Variants in ANKRD62 observed in about 807,000 individuals in gnomAD.
ANKRD62 encodes the protein ankyrin repeat domain 62.
A neutral mutation model predicts 98.8 loss-of-function variants in ANKRD62; 61 were observed. That is an observed-to-expected ratio of 0.62 (90% CI 0.50 to 0.76). The LOEUF (loss-of-function observed/expected upper bound fraction) is 0.76. Ranked by LOEUF, ANKRD62 falls within the 30% of genes least tolerant of loss-of-function variation. The probability of loss-of-function intolerance (pLI) is 0.00; values close to 1 mark genes in which losing one functional copy is unlikely to be tolerated. For missense variants in ANKRD62, 933 were observed against 1,082.9 expected (o/e 0.86, Z 1.94); for synonymous variants, 341 against 367.9 (o/e 0.93, Z 0.84).
At chr18:12,151,164 A>G in the ANKRD62 span, among the ~76,000 whole-genome samples, 4 of 152,220 alleles carry the variant, frequency 2.6e-5, no homozygotes, top group Admixed American at 1.3e-4. Context: ...CAGATTTCAA[A>G]CCAACAAAGA....
the ANKRD62 span, among the ~76,000 whole-genome samples, chr18:12,135,193 T>G: frequency 1.6e-5 from 1 of 63,618 alleles, no homozygotes; most frequent in Non-Finnish European, 2.8e-5. Flanking sequence ...CCCTCCCCCC[T>G]CCCCCCACCC....
Position 12,124,299 on chromosome 18 carries a change from T to C in ANKRD62, c.1617T>C (p.Thr539=). 8.0e-7 allele frequency: 1 copy of C among 1,242,832 alleles called. No individual in the cohort carries two copies. The allele number at this position is 1,242,832 out of a possible 1,614,324, so 77.0% of individuals were successfully genotyped here. A position where few individuals can be genotyped will look rare whatever the true frequency, so the allele number is the denominator to read the frequency against. The change falls in exon 12 of 14, where the codon ACT becomes ACC. Residue 539 remains threonine, a synonymous_variant. Coordinates refer to ENST00000587848, the MANE Select transcript of ANKRD62 (RefSeq NM_001277333.2). Reference sequence around the variant, plus strand: ...AATCATTGGAAGTGGAATTGAAGACTGTAAGAAGTAACTCAAATCAGGTAA... The same window carrying C: ...AATCATTGGAAGTGGAATTGAAGACCGTAAGAAGTAACTCAAATCAGGTAA... ...TLKSLEVELK[T]VRSNSNQNFH...
the ANKRD62 span, among the ~76,000 whole-genome samples, chr18:12,157,386 C>T: frequency 2.6e-4 from 39 of 152,246 alleles, no homozygotes; most frequent in African/African-American, 9.4e-4. Flanking sequence ...CTATCCTCGC[C>T]CCTGGCCCAT....
chr18:12,126,816 A>G (rs1420762730), intron 13 of ANKRD62, among the ~76,000 whole-genome samples: 1 of 152,222 alleles, frequency 6.6e-6, no homozygotes, highest in African/African-American at 2.4e-5. Context: ...AGATGAACTA[A>G]AGTGTATTTC....
chr18:12,156,952 C>T, the ANKRD62 span, among the ~76,000 whole-genome samples: 1 of 152,178 alleles, frequency 6.6e-6, no homozygotes, highest in Non-Finnish European at 1.5e-5. Flanking sequence ...CTCGCTCTCT[C>T]TCGCTCGCTG....
chr18:12,124,287 G>A lies in ANKRD62; in HGVS notation c.1605G>A (p.Val535=), dbSNP rs1373953097. Residue 535 remains valine (V), a synonymous_variant, in exon 12 of 14, where the codon GTG becomes GTA. Coordinates refer to ENST00000587848, the MANE Select transcript of ANKRD62 (RefSeq NM_001277333.2). ...AACTGACTCTCAAATCATTGGAAGT[G>A]GAATTGAAGACTGTAAGAAGTAACT... is the stretch of plus-strand genomic sequence containing the variant. ...QSKLTLKSLE[V]ELKTVRSNSN... 7.6e-7 allele frequency: 1 copy of A among 1,309,442 alleles called. No individual in the cohort carries two copies. The highest frequency in any genetic ancestry group is 1.4e-5 in the South Asian group (1 of 70,060). The allele number at this position is 1,309,442 out of a possible 1,614,324, so 81.1% of individuals were successfully genotyped here. A position where few individuals can be genotyped will look rare whatever the true frequency, so the allele number is the denominator to read the frequency against.
downstream of ANKRD62, among the ~76,000 whole-genome samples, chr18:12,134,445 T>C (rs1426405420): frequency 2.6e-5 from 4 of 152,184 alleles, no homozygotes; most frequent in Non-Finnish European, 5.9e-5. Flanking sequence ...TACATATGTA[T>C]ACATGCGCCA....
the ANKRD62 span, among the ~76,000 whole-genome samples, chr18:12,168,013 C>A: frequency 6.6e-6 from 1 of 151,742 alleles, no homozygotes; most frequent in Non-Finnish European, 1.5e-5. Context: ...TGTTTGAGTT[C>A]TTTGTAGGTT....
chr18:12,126,257 A>C lies in ANKRD62; in HGVS notation c.2436A>C (p.Glu812Asp), dbSNP rs1403440236. The C allele has an allele frequency of 1.1e-5, 17 of 1,535,970 alleles. No homozygotes were observed. Among genetic ancestry groups the C allele is most frequent in the Non-Finnish European group, 1.5e-5 (17 of 1,146,834 alleles). The part of the protein sequence containing the change: ...KTIINIQVKC[E>D]DTVEKLQAEC... ...TAATTAATATCCAAGTCAAATGTGAAGATACTGTAGAAAAACTTCAAGCTG... is the reference window on the plus strand; with the variant it reads ...TAATTAATATCCAAGTCAAATGTGACGATACTGTAGAAAAACTTCAAGCTG... The change falls in exon 13 of 14, where the codon GAA becomes GAC. Residue 812 changes from glutamate (E) to aspartate (D), a missense_variant. Glu to Asp is a conservative substitution (Grantham distance 45). This residue lies in a region of ANKRD62 where 362 missense variants were observed against 434.5 expected (regional missense o/e 0.83). Transcript: ENST00000587848.
Position 12,126,097 on chromosome 18 carries a change from A to C in ANKRD62, c.2276A>C (p.Gln759Pro). 6.5e-7 allele frequency: 1 copy of C among 1,536,174 alleles called. No individual in the cohort carries two copies. Among genetic ancestry groups the C allele is most frequent in the Non-Finnish European group, 8.7e-7 (1 of 1,146,894 alleles). The change falls in exon 13 of 14, where the codon CAA becomes CCA. Residue 759 changes from glutamine to proline, a missense_variant. By Grantham distance (76) the Gln-to-Pro change is moderately conservative. Around this residue, in one of 3 missense-constraint regions of ANKRD62, gnomAD observed 362 missense variants for 434.5 expected, o/e 0.83. Coordinates refer to ENST00000587848, the MANE Select transcript of ANKRD62 (RefSeq NM_001277333.2). ...EDIEHMYQND[Q>P]PILEKYVRKQ... ...ATTGAACACATGTACCAAAATGACC[A>C]ACCTATTTTGGAAAAATACGTGAGA...
chr18:12,097,639 G>C lies in ANKRD62; in HGVS notation c.615-1G>C. ...GCATGAAATTATCTTTCTTATTTTA[G>C]AACAGCCCTGATACTTGCTGCTCGT... is the stretch of plus-strand genomic sequence containing the variant. On this transcript the variant is annotated splice_acceptor_variant, in intron 4 of 13. Coordinates refer to ENST00000587848, the MANE Select transcript of ANKRD62 (RefSeq NM_001277333.2). LOFTEE classifies it high-confidence loss of function. The C allele has an allele frequency of 6.5e-7, 1 of 1,529,664 alleles. No individual in the cohort carries two copies. The highest frequency in any genetic ancestry group is 8.7e-7 in the Non-Finnish European group (1 of 1,144,270). The allele number at this position is 1,529,664 out of a possible 1,614,324, so 94.8% of individuals were successfully genotyped here. A position where few individuals can be genotyped will look rare whatever the true frequency, so the allele number is the denominator to read the frequency against.
At chr18:12,114,807 G>GT (rs536769656) in intron 8 of ANKRD62, among the ~76,000 whole-genome samples, 22 of 150,680 alleles carry the variant, frequency 1.5e-4, no homozygotes, top group Admixed American at 3.3e-4. Flanking sequence ...CAAATAACAT[G>GT]TTTTTTTTTC....
the ANKRD62 span, among the ~76,000 whole-genome samples, chr18:12,178,193 C>G: frequency 6.6e-6 from 1 of 151,366 alleles, no homozygotes; most frequent in African/African-American, 2.5e-5. Context: ...ACCTGAAAGA[C>G]AAACCCAATT....
chr18:12,130,651 G>C (rs1163585471), downstream of ANKRD62, among the ~76,000 whole-genome samples: 1 of 150,490 alleles, frequency 6.6e-6, no homozygotes. Context: ...ATAGCCTGAA[G>C]ATAATTCTAC....
At chr18:12,170,913 T>C in the ANKRD62 span, among the ~76,000 whole-genome samples, 505 of 152,154 alleles carry the variant, frequency 3.3e-3, 2 homozygotes, top group African/African-American at 0.011. Context: ...TTGATCTTTG[T>C]TGGTTTAAAG....
chr18:12,170,354 A>G, the ANKRD62 span, among the ~76,000 whole-genome samples: 1 of 152,206 alleles, frequency 6.6e-6, no homozygotes, highest in Non-Finnish European at 1.5e-5. Flanking sequence ...GGTTTCAAAG[A>G]ACATCTTTAT....
rs1344114368 is a variant in ANKRD62 at position 12,099,597 on chromosome 18, C to T, written c.753-18C>T. 8.4e-6 allele frequency: 12 copies of T among 1,436,722 alleles called. No individual in the cohort carries two copies. Among genetic ancestry groups the T allele is most frequent in the Non-Finnish European group, 1.1e-5 (12 of 1,085,312 alleles). The allele number at this position is 1,436,722 out of a possible 1,614,324, so 89.0% of individuals were successfully genotyped here. A position where few individuals can be genotyped will look rare whatever the true frequency, so the allele number is the denominator to read the frequency against. ...AGTATTAAAATAGTAATTGTATTTA[C>T]TGCATTTTGATACATAGCATTCGTG... is the stretch of plus-strand genomic sequence containing the variant. On this transcript the variant is annotated intron_variant, in intron 5 of 13. Coordinates refer to ENST00000587848, the MANE Select transcript of ANKRD62 (RefSeq NM_001277333.2).
chr18:12,177,356 C>T, the ANKRD62 span, among the ~76,000 whole-genome samples: 4 of 152,400 alleles, frequency 2.6e-5, no homozygotes, highest in East Asian at 1.9e-4. Context: ...GAAGACATTC[C>T]TCAAGGAGCA....
At chr18:12,174,146 G>A in the ANKRD62 span, among the ~76,000 whole-genome samples, 1 of 152,022 alleles carries the variant, frequency 6.6e-6, no homozygotes, top group African/African-American at 2.4e-5. Flanking sequence ...CATAGATTTG[G>A]TCTCTTTATG....
Sources: gnomAD v4.1 joint callset for allele counts (sites outside exome capture counted in the v4.1 genomes callset) on GRCh38, gnomAD v4.1.1 for gene constraint, gnomAD v4.1.1 regional missense constraint, MANE v1.5 for transcripts, NCBI Gene and HGNC (gene_info 2026-07-23, HGNC 2026-07-21) for gene names.